The following TMEM38B variants were observed in gnomAD, a reference collection of about 807,000 sequenced individuals.
TMEM38B encodes the protein transmembrane protein 38B, also known as trimeric intracellular cation channel type B.
In TMEM38B, 24 loss-of-function variants were observed where a neutral mutation model predicts 28.7. The ratio of observed to expected loss-of-function variants is 0.84; its 90% CI spans 0.61 to 1.18. TMEM38B has a LOEUF of 1.18. TMEM38B is among the 50% of genes most tolerant of loss of function. TMEM38B has a pLI of 0.00. For missense variants in TMEM38B, 380 were observed against 350.9 expected, an observed-to-expected ratio of 1.08 and a Z score of -0.66; for synonymous variants, 131 against 127.7, an observed-to-expected ratio of 1.03 and a Z score of -0.17.
At position 105,776,137 on chromosome 9, in the gene TMEM38B, C is replaced by T. The variant is rs1020447241; in HGVS notation, c.*2057C>T. 1 of 152,010 alleles carries T rather than the reference C, an allele frequency of 6.6e-6. No individual in the cohort carries two copies. The highest frequency in any genetic ancestry group is 6.6e-5 in the Admixed American group (1 of 15,248). The allele number at this position is 152,010 out of a possible 1,614,324, so 9.4% of individuals were successfully genotyped here. ...AGTGTGAATAAGGCCTATAGGCCTG[C>T]CTCACACAGCTAATCAGAGGTGGCA... On this transcript the variant is annotated 3_prime_UTR_variant, in exon 6 of 6. Transcript: ENST00000374692.
intron 1 of TMEM38B, among the ~76,000 whole-genome samples, chr9:105,705,355 A>C (rs984366363): frequency 6.6e-6 from 1 of 152,256 alleles, no homozygotes; most frequent in African/African-American, 2.4e-5. Context: ...TGACAGCCTA[A>C]ACAGAACAGA....
intron 4 of TMEM38B, among the ~76,000 whole-genome samples, chr9:105,730,844 T>C (rs1346544675): frequency 6.6e-6 from 1 of 152,218 alleles, no homozygotes; most frequent in African/African-American, 2.4e-5. Flanking sequence ...TTTTCTAGTT[T>C]ATTTGAGTAG....
At chr9:105,747,755 C>T (rs1564408475) in intron 4 of TMEM38B, among the ~76,000 whole-genome samples, 1 of 151,924 alleles carries the variant, frequency 6.6e-6, no homozygotes, top group Non-Finnish European at 1.5e-5. Flanking sequence ...TACATGTGTC[C>T]CAGAGATTCT....
At chr9:105,759,778 A>G (rs1023366580) in intron 5 of TMEM38B, 44 of 1,609,148 alleles carry the variant, frequency 2.7e-5, no homozygotes, top group Non-Finnish European at 3.6e-5. Flanking sequence ...GAGAACCACT[A>G]CTTTGACTGC....
intron 5 of TMEM38B, among the ~76,000 whole-genome samples, chr9:105,766,078 C>T (rs1008538465): frequency 1.3e-5 from 2 of 152,150 alleles, no homozygotes; most frequent in Admixed American, 6.5e-5. Flanking sequence ...GAATTACAGG[C>T]GTGAGCCACT....
At chr9:105,763,392 G>T (rs1838139472) in intron 5 of TMEM38B, among the ~76,000 whole-genome samples, 1 of 152,060 alleles carries the variant, frequency 6.6e-6, no homozygotes, top group Non-Finnish European at 1.5e-5. Flanking sequence ...ATGCTTTTAG[G>T]TCTAACGTTT....
chr9:105,774,098 T>G lies in TMEM38B; in HGVS notation c.*18T>G. 4 of 1,598,790 alleles carry G rather than the reference T, an allele frequency of 2.5e-6. No individual in the cohort carries two copies. The highest frequency in any genetic ancestry group is 3.4e-6 in the Non-Finnish European group (4 of 1,170,138). Reference sequence around the variant, plus strand: ...ATGAATAAATTTACGTGATGAGCTCTACAAGGCCAAAAATTTTTTTTCTTA... The same window carrying G: ...ATGAATAAATTTACGTGATGAGCTCGACAAGGCCAAAAATTTTTTTTCTTA... On this transcript the variant is annotated 3_prime_UTR_variant, in exon 6 of 6. Coordinates refer to ENST00000374692, the MANE Select transcript of TMEM38B (RefSeq NM_018112.3).
chr9:105,705,655 C>CTGT lies in TMEM38B; in HGVS notation c.173_175dup (p.Cys58dup). On this transcript the variant is annotated inframe_insertion, in exon 2 of 6. Coordinates refer to ENST00000374692, the MANE Select transcript of TMEM38B (RefSeq NM_018112.3). ...CAAGCTGGTTTACTGCTATGCTCCA[C>CTGT]TGTTTTGGTGGAGGAATTTTATCCT... 1 of 1,614,082 alleles carries CTGT rather than the reference C, an allele frequency of 6.2e-7. No individual in the cohort carries two copies. The highest frequency in any genetic ancestry group is 8.5e-7 in the Non-Finnish European group (1 of 1,180,022).
At chr9:105,755,809 A>G (rs1377624741) in intron 5 of TMEM38B, among the ~76,000 whole-genome samples, 1 of 152,212 alleles carries the variant, frequency 6.6e-6, no homozygotes, top group Non-Finnish European at 1.5e-5. Context: ...ACTAAATACA[A>G]TTGTTTTAAA....
intron 5 of TMEM38B, among the ~76,000 whole-genome samples, chr9:105,753,788 T>C (rs1837738867): frequency 6.6e-6 from 1 of 152,186 alleles, no homozygotes. Flanking sequence ...AGCATCATGA[T>C]GATAGGATCA....
At chr9:105,763,424 C>T (rs1317266196) in intron 5 of TMEM38B, among the ~76,000 whole-genome samples, 1 of 152,090 alleles carries the variant, frequency 6.6e-6, no homozygotes, top group Non-Finnish European at 1.5e-5. Context: ...CACAGAAATA[C>T]AAACTACCAT....
intron 2 of TMEM38B, among the ~76,000 whole-genome samples, chr9:105,706,714 C>T (rs1239566769): frequency 6.6e-6 from 1 of 151,500 alleles, no homozygotes; most frequent in East Asian, 1.9e-4. Context: ...CTTAACCTTG[C>T]TCTGGAGGGG....
intron 5 of TMEM38B, chr9:105,749,123 T>C (rs772371716): frequency 1.5e-6 from 2 of 1,302,542 alleles, no homozygotes; most frequent in East Asian, 5.6e-5. Flanking sequence ...TAACAAATAT[T>C]GGAGGCAAAA....
chr9:105,708,566 T>C (rs1835766718), intron 2 of TMEM38B, among the ~76,000 whole-genome samples: 1 of 152,164 alleles, frequency 6.6e-6, no homozygotes, highest in East Asian at 1.9e-4. Context: ...AAATACTCGC[T>C]TTCACTTTCT....
In TMEM38B at chr9:105,774,175, A is replaced by T; in HGVS notation, c.*95A>T. ...TCTATGTATGTGATGTGAAATGAAG[A>T]CTATATATATGGAATGGAGGTGACA... On this transcript the variant is annotated 3_prime_UTR_variant, in exon 6 of 6. Transcript: ENST00000374692. 1.0e-6 allele frequency: 1 copy of T among 995,432 alleles called. No individual in the cohort carries two copies. Among genetic ancestry groups the T allele is most frequent in the Non-Finnish European group, 1.5e-6 (1 of 673,274 alleles). The allele number at this position is 995,432 out of a possible 1,614,324, so 61.7% of individuals were successfully genotyped here. A position where few individuals can be genotyped will look rare whatever the true frequency, so the allele number is the denominator to read the frequency against.
intron 2 of TMEM38B, among the ~76,000 whole-genome samples, chr9:105,707,742 T>G (rs565548548): frequency 6.6e-6 from 1 of 152,206 alleles, no homozygotes; most frequent in Non-Finnish European, 1.5e-5. Context: ...GCTATAACTT[T>G]CTTGTCTAGT....
In TMEM38B at chr9:105,775,253, G is replaced by T. The variant is rs1315987803; in HGVS notation, c.*1173G>T. 1 of 152,082 alleles carries T rather than the reference G, an allele frequency of 6.6e-6. No homozygotes were observed. The highest frequency in any genetic ancestry group is 1.5e-5 in the Non-Finnish European group (1 of 67,960). 9.4% of individuals were successfully genotyped at this position (152,082 alleles called of 1,614,324 possible). On this transcript the variant is annotated 3_prime_UTR_variant, in exon 6 of 6. Coordinates refer to ENST00000374692, the MANE Select transcript of TMEM38B (RefSeq NM_018112.3). ...AGAGAAACCAGAACTTCATATGGCA[G>T]TCCATTTAGATGAAGAATGATGATA...
rs1327544991 is a variant in TMEM38B, at chr9:105,760,341, A to T, written c.660+12151A>T. 14 of 772,390 alleles carry T rather than the reference A, an allele frequency of 1.8e-5. No homozygotes were observed. In the Admixed American group the frequency reaches 2.4e-4, roughly 13 times the overall value. The allele number at this position is 772,390 out of a possible 1,614,324, so 47.8% of individuals were successfully genotyped here. ...TGGCTGGAAGATTAGTTTCTTTCTT[A>T]CTGGATCATCATCAGGAAATTCTTC... On this transcript the variant is annotated intron_variant, in intron 5 of 5. Transcript: ENST00000374692.
At chr9:105,760,445 A>T in intron 5 of TMEM38B, 2 of 741,656 alleles carry the variant, frequency 2.7e-6, no homozygotes, top group Non-Finnish European at 4.9e-6. Flanking sequence ...AATCCTGGAG[A>T]TGGACTATTT....
Sources: gnomAD v4.1 joint callset for allele counts (sites outside exome capture counted in the v4.1 genomes callset) on GRCh38, gnomAD v4.1.1 for gene constraint, MANE v1.5 for transcripts, NCBI Gene and HGNC (gene_info 2026-07-23, HGNC 2026-07-21) for gene names.